Variants in FATE1 observed in about 807,000 individuals in gnomAD.
The protein encoded by FATE1 is fetal and adult testis expressed 1, also known as fetal and adult testis-expressed transcript protein.
FATE1 carries 18 observed loss-of-function variants against 16.0 expected under a neutral mutation model. The ratio of observed to expected loss-of-function variants is 1.12; its 90% CI spans 0.78 to 1.66. The LOEUF is 1.66. FATE1 is among the 40% of genes most tolerant of loss of function. FATE1 has a pLI of 0.00. For missense variants in FATE1, 169 were observed against 152.7 expected (o/e 1.11, Z -0.56); for synonymous variants, 76 against 56.9 (o/e 1.34, Z -1.51).
At chrX:151,722,075 C>T in intron 4 of FATE1, 94 bp downstream of exon 4, 1 of 794,288 alleles carries the variant, frequency 1.3e-6, no homozygotes, top group East Asian at 3.2e-5. Context: ...CCCTTACAGT[C>T]ATCTTTCCCT....
intron 2 of FATE1, among the ~76,000 whole-genome samples, chrX:151,718,131 AGG>A (rs2015079364): frequency 2.6e-5 from 2 of 76,507 alleles, no homozygotes; most frequent in Non-Finnish European, 5.5e-5. Flanking sequence ...GAAGGAAGGA[AGG>A]AAGGAAGGAA....
At chrX:151,720,252 G>A (rs1474034691) in intron 2 of FATE1, among the ~76,000 whole-genome samples, 1 of 111,189 alleles carries the variant, frequency 9.0e-6, no homozygotes, top group Non-Finnish European at 1.9e-5. Context: ...CTGCTGGCGG[G>A]GGCCTCCTTT....
rs754944649 is a variant in FATE1 at position 151,721,253 on chromosome X, C to A, written c.235-142C>A. The A allele has an allele frequency of 6.1e-5, 31 of 505,477 alleles. No individual in the cohort carries two copies. The East Asian group carries it at 1.1e-3, about 19-fold the overall frequency. The allele number at this position is 505,477 out of a possible 1,213,427, so 41.7% of individuals were successfully genotyped here. On this transcript the variant is annotated intron_variant, in intron 2 of 4. Coordinates refer to ENST00000370350, the MANE Select transcript of FATE1 (RefSeq NM_033085.3). Reference sequence around the variant, plus strand: ...GTGTGGGGTTCCCAAGCTTTCCTAGCGGCCTGAAGCTGCCAGCCCTTGATT... The same window carrying A: ...GTGTGGGGTTCCCAAGCTTTCCTAGAGGCCTGAAGCTGCCAGCCCTTGATT...
chrX:151,723,032 A>C lies in FATE1; in HGVS notation c.*273A>C. 9.2e-6 allele frequency: 3 copies of C among 324,628 alleles called. No homozygotes were observed. Among genetic ancestry groups the C allele is most frequent in the Non-Finnish European group, 1.6e-5 (3 of 186,501 alleles). 26.8% of individuals were successfully genotyped at this position (324,628 alleles called of 1,213,427 possible). A position where few individuals can be genotyped will look rare whatever the true frequency, so the allele number is the denominator to read the frequency against. ...CATGGCGGCATCTGGGCCCCACAGT[A>C]ACACCTAGTGGCAACCTTGCCTTCC... is the stretch of plus-strand genomic sequence containing the variant. On this transcript the variant is annotated 3_prime_UTR_variant, in exon 5 of 5. Transcript: ENST00000370350.
rs770261374 is a variant in FATE1, at chrX:151,722,768, G to C, written c.*9G>C. ...TGTGGATGAACCAGTGATCGCCCCA[G>C]CGCGGCCTCCGTATTGGAGCCCTCC... is the stretch of plus-strand genomic sequence containing the variant. On this transcript the variant is annotated 3_prime_UTR_variant, in exon 5 of 5. Transcript: ENST00000370350. 4 of 1,198,894 alleles carry C rather than the reference G, an allele frequency of 3.3e-6. No homozygotes were observed. Among genetic ancestry groups the C allele is most frequent in the African/African-American group, 1.8e-5 (1 of 57,106 alleles).
intron 4 of FATE1, among the ~76,000 whole-genome samples, 153 bp downstream of exon 4, chrX:151,722,134 A>G (rs1358283180): frequency 9.1e-6 from 1 of 110,297 alleles, no homozygotes; most frequent in Non-Finnish European, 1.9e-5. Context: ...CCTCATCCCC[A>G]TGGCTCTGAC....
At chrX:151,721,858 A>G in intron 3 of FATE1, 45 bp from the exon 4 acceptor site, 1 of 1,158,709 alleles carries the variant, frequency 8.6e-7, no homozygotes, top group Non-Finnish European at 1.2e-6. Context: ...GCTCCCTGCC[A>G]GGGACCACCA....
Position 151,716,226 on chromosome X carries a change from G to A in FATE1, c.106+1G>A. Reference sequence around the variant, plus strand: ...AACCAAGAGCACCTGGTGATAGCAGGTGAGGATCCCCTAAAATACCCCTAG... The same window carrying A: ...AACCAAGAGCACCTGGTGATAGCAGATGAGGATCCCCTAAAATACCCCTAG... On this transcript the variant is annotated splice_donor_variant, in intron 1 of 4. Coordinates refer to ENST00000370350, the MANE Select transcript of FATE1 (RefSeq NM_033085.3). LOFTEE classifies it high-confidence loss of function. 1 of 1,163,400 alleles carries A rather than the reference G, an allele frequency of 8.6e-7. No individual in the cohort carries two copies. The highest frequency in any genetic ancestry group is 1.9e-5 in the South Asian group (1 of 52,448).
chrX:151,722,550 T>G, intron 4 of FATE1, 78 bp from the exon 5 acceptor site: 6 of 1,190,172 alleles, frequency 5.0e-6, no homozygotes, highest in Non-Finnish European at 6.8e-6. Context: ...GCTCTAACTT[T>G]ATGCTTTTCC....
intron 3 of FATE1, 92 bp from the exon 4 acceptor site, chrX:151,721,811 T>C: frequency 1.3e-6 from 1 of 797,024 alleles, no homozygotes; most frequent in Non-Finnish European, 1.9e-6. Flanking sequence ...TCCAAGAAGA[T>C]CACGACCTTA....
rs775746947 is a variant in FATE1, at chrX:151,722,873, C to T, written c.*114C>T. On this transcript the variant is annotated 3_prime_UTR_variant, in exon 5 of 5. Transcript: ENST00000370350. ...TTCATCTCCCAGCAGCCCTCAGGAG[C>T]GTCAGGATCATTTTCAACTCTGGTT... is the stretch of plus-strand genomic sequence containing the variant. 4.9e-5 allele frequency: 48 copies of T among 983,628 alleles called. No individual in the cohort carries two copies. The South Asian group carries it at 1.0e-3, about 20-fold the overall frequency. The allele number at this position is 983,628 out of a possible 1,213,427, so 81.1% of individuals were successfully genotyped here. A position where few individuals can be genotyped will look rare whatever the true frequency, so the allele number is the denominator to read the frequency against.
rs13047 is a variant in FATE1, at chrX:151,723,027, A to C, written c.*268A>C. On this transcript the variant is annotated 3_prime_UTR_variant, in exon 5 of 5. Transcript: ENST00000370350. Reference sequence around the variant, plus strand: ...AACAGCATGGCGGCATCTGGGCCCCACAGTAACACCTAGTGGCAACCTTGC... The same window carrying C: ...AACAGCATGGCGGCATCTGGGCCCCCCAGTAACACCTAGTGGCAACCTTGC... The C allele has an allele frequency of 0.12, 39,581 of 329,016 alleles. 3,481 individuals carry two copies. Among genetic ancestry groups the C allele is most frequent in the African/African-American group, 0.39 (14,419 of 37,100 alleles). The allele number at this position is 329,016 out of a possible 1,213,427, so 27.1% of individuals were successfully genotyped here. A position where few individuals can be genotyped will look rare whatever the true frequency, so the allele number is the denominator to read the frequency against.
intron 1 of FATE1, among the ~76,000 whole-genome samples, 174 bp downstream of exon 1, chrX:151,716,399 G>C (rs749946569): frequency 8.0e-5 from 9 of 112,113 alleles, no homozygotes; most frequent in Non-Finnish European, 1.7e-4. Flanking sequence ...GGGGAAAAGG[G>C]ATAGATGATG....
intron 2 of FATE1, among the ~76,000 whole-genome samples, chrX:151,720,592 T>C (rs1329987726): frequency 8.9e-6 from 1 of 112,102 alleles, no homozygotes; most frequent in Non-Finnish European, 1.9e-5. Flanking sequence ...CAGTTTCCCC[T>C]ACTTTCAAAA....
intron 2 of FATE1, among the ~76,000 whole-genome samples, chrX:151,721,145 C>G (rs909166667): frequency 8.9e-6 from 1 of 112,803 alleles, no homozygotes; most frequent in Non-Finnish European, 1.9e-5. Context: ...ACCCCTGTTA[C>G]TGCTCCTCTT....
chrX:151,719,670 C>T (rs769788417), intron 2 of FATE1, among the ~76,000 whole-genome samples: 1 of 112,393 alleles, frequency 8.9e-6, no homozygotes, highest in Non-Finnish European at 1.9e-5. Flanking sequence ...CCATGAACTA[C>T]GGTTCATAAA....
At chrX:151,718,811 C>A (rs1206877054) in intron 2 of FATE1, among the ~76,000 whole-genome samples, 18 of 109,639 alleles carry the variant, frequency 1.6e-4, no homozygotes, top group African/African-American at 6.0e-4. Context: ...AAAATGGTGG[C>A]TTTACTGTTA....
chrX:151,716,721 T>C (rs1487551593), intron 1 of FATE1, among the ~76,000 whole-genome samples: 1 of 111,887 alleles, frequency 8.9e-6, no homozygotes, highest in African/African-American at 3.3e-5. Context: ...GTTCTTACGA[T>C]GCTCCAAGCC....
At position 151,721,433 on chromosome X, in the gene FATE1, A is replaced by G; in HGVS notation, c.273A>G (p.Ser91=). The G allele has an allele frequency of 8.2e-7, 1 of 1,212,335 alleles. No homozygotes were observed. Among genetic ancestry groups the G allele is most frequent in the Non-Finnish European group, 1.1e-6 (1 of 895,526 alleles). ...CAAAGCCCAGAATGCTGAGAGAATCAGGCCATGGGGATGCCCATCTCCAGG... is the reference window on the plus strand; with the variant it reads ...CAAAGCCCAGAATGCTGAGAGAATCGGGCCATGGGGATGCCCATCTCCAGG... ...QLPKPRMLRE[S]GHGDAHLQEY... Residue 91 remains serine, a synonymous_variant, in exon 3 of 5, where the codon TCA becomes TCG. Transcript: ENST00000370350.
Sources: allele counts gnomAD v4.1 joint callset (sites outside exome capture counted in the v4.1 genomes callset), GRCh38; gene constraint gnomAD v4.1.1; transcripts MANE v1.5; gene names NCBI Gene and HGNC (gene_info 2026-07-23, HGNC 2026-07-21).